Variants in BMAL1 observed in about 807,000 individuals in gnomAD.
BMAL1 encodes the protein basic helix-loop-helix ARNT like 1.
chr11:13,313,253 CT>C, the BMAL1 span, among the ~76,000 whole-genome samples: 1 of 152,330 alleles, frequency 6.6e-6, no homozygotes, highest in East Asian at 1.9e-4. Flanking sequence ...CCTCCACAGC[CT>C]GCTCTGCTGG....
At chr11:13,277,419 G>C in the BMAL1 span, among the ~76,000 whole-genome samples, 13 of 152,310 alleles carry the variant, frequency 8.5e-5, no homozygotes, top group East Asian at 2.5e-3. Context: ...GAAAGGGAGA[G>C]GGCAGGGGCG....
At chr11:13,311,395 G>A in the BMAL1 span, among the ~76,000 whole-genome samples, 1 of 152,172 alleles carries the variant, frequency 6.6e-6, no homozygotes, top group Non-Finnish European at 1.5e-5. Context: ...AGAGAATGGG[G>A]CAGCAGAGAC....
chr11:13,320,125 C>T, the BMAL1 span, among the ~76,000 whole-genome samples: 4 of 152,228 alleles, frequency 2.6e-5, no homozygotes, highest in African/African-American at 7.2e-5. Flanking sequence ...AGCCAGGGGC[C>T]TTAACTGATC....
chr11:13,358,808 A>G, the BMAL1 span, among the ~76,000 whole-genome samples: 1 of 152,272 alleles, frequency 6.6e-6, no homozygotes, highest in Non-Finnish European at 1.5e-5. Flanking sequence ...ACACATTCTC[A>G]GAGCATAGAA....
At chr11:13,383,844 C>T in the BMAL1 span, among the ~76,000 whole-genome samples, 2 of 151,832 alleles carry the variant, frequency 1.3e-5, no homozygotes, top group Non-Finnish European at 1.5e-5. Context: ...AGAGTGAGAC[C>T]CTATCAAGGA....
At chr11:13,333,687 G>A in the BMAL1 span, among the ~76,000 whole-genome samples, 1 of 152,182 alleles carries the variant, frequency 6.6e-6, no homozygotes, top group Non-Finnish European at 1.5e-5. Context: ...AGCCCCAGTC[G>A]GACATCTCCG....
chr11:13,326,293 C>T, the BMAL1 span: 1 of 152,160 alleles, frequency 6.6e-6, no homozygotes, highest in African/African-American at 2.4e-5. Flanking sequence ...CCAGCCTCAT[C>T]CCAGTCTTTT....
chr11:13,332,960 G>A, the BMAL1 span, among the ~76,000 whole-genome samples: 1 of 132,086 alleles, frequency 7.6e-6, no homozygotes, highest in African/African-American at 2.7e-5. Flanking sequence ...CATCGATACT[G>A]TCTTTTTTTT....
At chr11:13,378,804 CG>C in the BMAL1 span, 1 of 243,046 alleles carries the variant, frequency 4.1e-6, no homozygotes, top group Non-Finnish European at 7.9e-6. Flanking sequence ...CTTCTCAGTG[CG>C]GATAGATGTA....
At chr11:13,314,787 A>G in the BMAL1 span, among the ~76,000 whole-genome samples, 17 of 152,054 alleles carry the variant, frequency 1.1e-4, no homozygotes, top group Non-Finnish European at 2.1e-4. Flanking sequence ...AAGGATACCT[A>G]GTGGCCCTTC....
At chr11:13,345,817 C>T in the BMAL1 span, among the ~76,000 whole-genome samples, 1 of 152,138 alleles carries the variant, frequency 6.6e-6, no homozygotes, top group African/African-American at 2.4e-5. Flanking sequence ...TTTCCTGTTC[C>T]TGCTCTTGGA....
At chr11:13,288,436 T>TCTTTCTTTCTTTCTTTCTTTCTTTCTTTC in the BMAL1 span, among the ~76,000 whole-genome samples, 2 of 131,450 alleles carry the variant, frequency 1.5e-5, no homozygotes, top group African/African-American at 2.8e-5. Flanking sequence ...TTTTTTTTTT[T>TCTTTCTTTCTTTCTTTCTTTCTTTCTTTC]TTGTGATGGA....
At chr11:13,386,656 G>A in the BMAL1 span, 12 of 1,614,062 alleles carry the variant, frequency 7.4e-6, no homozygotes, top group Non-Finnish European at 1.0e-5. Context: ...AGTAGTCCCA[G>A]TAATGATGAG....
chr11:13,361,200 G>A, the BMAL1 span, among the ~76,000 whole-genome samples: 1 of 152,166 alleles, frequency 6.6e-6, no homozygotes, highest in South Asian at 2.1e-4. Flanking sequence ...TGCTCTCTCT[G>A]TCTTGCTAAA....
chr11:13,290,864 C>A, the BMAL1 span, among the ~76,000 whole-genome samples: 1 of 152,096 alleles, frequency 6.6e-6, no homozygotes, highest in African/African-American at 2.4e-5. Flanking sequence ...CCTGAAAATA[C>A]TTCTTGTCTC....
At chr11:13,295,969 C>T in the BMAL1 span, among the ~76,000 whole-genome samples, 1 of 152,116 alleles carries the variant, frequency 6.6e-6, no homozygotes, top group Non-Finnish European at 1.5e-5. Flanking sequence ...AATATTTTTG[C>T]CTTGGTGTTA....
the BMAL1 span, chr11:13,378,767 G>A: frequency 2.7e-5 from 8 of 293,588 alleles, no homozygotes; most frequent in South Asian, 3.2e-4. Context: ...TTCTTGAGAA[G>A]ACTTAACTTT....
the BMAL1 span, among the ~76,000 whole-genome samples, chr11:13,347,904 A>C: frequency 6.6e-6 from 1 of 152,234 alleles, no homozygotes. Flanking sequence ...GAGAAAGGAC[A>C]TGAAATTGTT....
the BMAL1 span, among the ~76,000 whole-genome samples, chr11:13,369,067 C>A: frequency 1.3e-5 from 2 of 152,170 alleles, no homozygotes; most frequent in African/African-American, 4.8e-5. Context: ...TTGGACAGCA[C>A]AGATCTAGAA....
Sources: allele counts gnomAD v4.1 joint callset (sites outside exome capture counted in the v4.1 genomes callset), GRCh38; gene constraint gnomAD v4.1.1; transcripts MANE v1.5; gene names NCBI Gene and HGNC (gene_info 2026-07-23, HGNC 2026-07-21).